Variants in SYNE2 observed in about 807,000 individuals in gnomAD.
SYNE2 encodes spectrin repeat containing nuclear envelope protein 2.
Under a neutral mutation model 856.3 loss-of-function variants are expected in SYNE2, and 431 were observed. The observed-to-expected ratio is 0.50, with a 90% CI of 0.47 to 0.55. The LOEUF is 0.55. SYNE2 is among the 20% of genes least tolerant of loss of function. SYNE2 has a pLI of 0.00. For synonymous variants in SYNE2, 2,923 were observed against 2,872.3 expected (o/e 1.02, Z -0.56); for missense variants, 8,129 against 8,023.2 (o/e 1.01, Z -0.50).
intron 43 of SYNE2, among the ~76,000 whole-genome samples, chr14:64,028,308 T>C (rs2096998461): frequency 6.6e-6 from 1 of 152,042 alleles, no homozygotes; most frequent in Non-Finnish European, 1.5e-5. Flanking sequence ...CAAGCTAGAG[T>C]GCAGTGTTGC....
intron 57 of SYNE2, among the ~76,000 whole-genome samples, chr14:64,082,612 A>C (rs1174917321): frequency 6.6e-6 from 1 of 152,140 alleles, no homozygotes; most frequent in Non-Finnish European, 1.5e-5. Flanking sequence ...AACCTGAATG[A>C]TCTTCAAAGA....
At chr14:64,119,321 A>G (rs1264331853) in intron 66 of SYNE2, 106 bp from the exon 67 acceptor site, 10 of 1,411,082 alleles carry the variant, frequency 7.1e-6, no homozygotes, top group Non-Finnish European at 9.8e-6. Flanking sequence ...TGTTTCTGGG[A>G]CTTCTTGTAT....
intron 63 of SYNE2, 112 bp from the exon 64 acceptor site, chr14:64,101,820 G>A: frequency 1.3e-6 from 1 of 769,064 alleles, no homozygotes; most frequent in Middle Eastern, 2.2e-4. Context: ...AAGGGCTGTG[G>A]TTACACTGCC....
intron 1 of SYNE2, among the ~76,000 whole-genome samples, chr14:63,773,726 A>G (rs767862418): frequency 1.2e-4 from 18 of 152,090 alleles, no homozygotes; most frequent in Non-Finnish European, 2.4e-4. Context: ...CATGCCCAGC[A>G]AAAAGAAGCT....
rs539464788 is a variant in SYNE2, at chr14:63,962,245, T to G, written c.888+620T>G. 3.3e-4 allele frequency among the ~76,000 whole-genome samples: 50 copies of G among 151,968 alleles called. 1 individual carries two copies. The East Asian group carries it at 8.4e-3, about 25-fold the overall frequency. On this transcript the variant is annotated intron_variant, in intron 9 of 115. Coordinates refer to ENST00000555002, the MANE Select transcript of SYNE2 (RefSeq NM_182914.3). The stretch of plus-strand genomic sequence containing the variant: ...TGATTTTTGTATATTTGGTAGAGAC[T>G]GGGTTTCACCATGTTGGCCAGGCTG...
At chr14:63,856,806 C>G (rs1301342752) in intron 1 of SYNE2, among the ~76,000 whole-genome samples, 1 of 152,122 alleles carries the variant, frequency 6.6e-6, no homozygotes, top group East Asian at 1.9e-4. Flanking sequence ...AGGTCTCGTT[C>G]TATCACCCAG....
chr14:63,997,304 G>T lies in SYNE2; in HGVS notation c.3156G>T (p.Gly1052=). ...TGCAATTTTGATTCCTTTCTAGGGG[G>T]ACCATCACCACATCTGAGAATAGAG... ...PTAGGTSKNE[G]TITTSENRGG... is the part of the protein sequence containing the mutation. The change falls in exon 25 of 116, where the codon GGG becomes GGT. Residue 1052 remains glycine (G), a synonymous_variant. Coordinates refer to ENST00000555002, the MANE Select transcript of SYNE2 (RefSeq NM_182914.3). 6.2e-7 allele frequency: 1 copy of T among 1,612,990 alleles called. No individual in the cohort carries two copies. Among genetic ancestry groups the T allele is most frequent in the South Asian group, 1.1e-5 (1 of 90,762 alleles).
chr14:64,188,554 C>T lies in SYNE2; in HGVS notation c.17717C>T (p.Ala5906Val). 1.2e-6 allele frequency: 2 copies of T among 1,614,130 alleles called. No individual in the cohort carries two copies. The highest frequency in any genetic ancestry group is 1.7e-6 in the Non-Finnish European group (2 of 1,180,024). The part of the protein sequence containing the change: ...RQWEDLCLRV[A>V]IRKQEIEDRL... ...CAAATGTATTTTCATTTGCAGGTGG[C>T]CATACGTAAACAGGAGATTGAAGAC... The change falls in exon 98 of 116, where the codon GCC becomes GTC. Residue 5906 changes from alanine to valine, a missense_variant. This residue lies in a region of SYNE2 where 5,410 missense variants were observed against 5,284.8 expected (regional missense o/e 1.02). Transcript: ENST00000555002.
At chr14:64,025,077 C>T (rs1187365981) in intron 40 of SYNE2, 46 bp downstream of exon 40, 2 of 1,613,950 alleles carry the variant, frequency 1.2e-6, no homozygotes, top group Non-Finnish European at 1.7e-6. Flanking sequence ...ATTATGGTTT[C>T]TTCCATGGTG....
At chr14:63,873,452 A>G (rs8015158) in intron 1 of SYNE2, 98,005 of 151,924 alleles carry the variant, frequency 0.65, 31,902 homozygotes, top group South Asian at 0.77. Flanking sequence ...CTGGAGTATA[A>G]TGGCACGATC....
chr14:63,936,800 A>G (rs2095839054), intron 2 of SYNE2, among the ~76,000 whole-genome samples: 3 of 152,166 alleles, frequency 2.0e-5, no homozygotes, highest in Non-Finnish European at 2.9e-5. Context: ...GCAAAGCTGG[A>G]GGGAAGATCT....
upstream of SYNE2, among the ~76,000 whole-genome samples, chr14:63,761,773 G>C (rs1178498560): frequency 6.6e-6 from 1 of 152,184 alleles, no homozygotes; most frequent in South Asian, 2.1e-4. Flanking sequence ...CAAATGCCAA[G>C]GTGTTGTATT....
chr14:64,006,467 T>C (rs1166715084), intron 30 of SYNE2, among the ~76,000 whole-genome samples: 1 of 152,176 alleles, frequency 6.6e-6, no homozygotes, highest in Non-Finnish European at 1.5e-5. Flanking sequence ...AGTGTGTTCA[T>C]CATAGACATA....
intron 90 of SYNE2, 59 bp downstream of exon 90, chr14:64,165,469 A>G: frequency 3.2e-6 from 5 of 1,576,798 alleles, no homozygotes; most frequent in Non-Finnish European, 2.6e-6. Flanking sequence ...TAAAAAAAAT[A>G]AGCTGATTAC....
chr14:64,079,559 A>G (rs560761705), intron 55 of SYNE2, among the ~76,000 whole-genome samples: 5 of 152,318 alleles, frequency 3.3e-5, no homozygotes, highest in African/African-American at 1.2e-4. Flanking sequence ...TAAGAATTGA[A>G]TATTTTACCT....
At chr14:63,824,275 G>A (rs1423964565) in intron 1 of SYNE2, among the ~76,000 whole-genome samples, 4 of 152,050 alleles carry the variant, frequency 2.6e-5, no homozygotes, top group Non-Finnish European at 5.9e-5. Context: ...GAGCTCCAGG[G>A]CTCAAGGCTA....
chr14:64,207,079 C>A (rs1392542673), intron 100 of SYNE2, among the ~76,000 whole-genome samples: 2 of 152,118 alleles, frequency 1.3e-5, no homozygotes, highest in African/African-American at 4.8e-5. Context: ...AAGAAATCAC[C>A]CTGCACATTC....
At chr14:63,860,709 G>A (rs981411808) in intron 1 of SYNE2, among the ~76,000 whole-genome samples, 3 of 152,206 alleles carry the variant, frequency 2.0e-5, no homozygotes, top group Non-Finnish European at 4.4e-5. Context: ...ATCGGGCTGT[G>A]TAAATGTACC....
chr14:64,082,017 C>T (rs2097527816), intron 57 of SYNE2, among the ~76,000 whole-genome samples: 1 of 151,426 alleles, frequency 6.6e-6, no homozygotes, highest in South Asian at 2.1e-4. Flanking sequence ...ACCCAGGAGG[C>T]GGAGCTTGCA....
Sources: gnomAD v4.1 joint callset for allele counts (sites outside exome capture counted in the v4.1 genomes callset) on GRCh38, gnomAD v4.1.1 for gene constraint, gnomAD v4.1.1 regional missense constraint, MANE v1.5 for transcripts, NCBI Gene and HGNC (gene_info 2026-07-23, HGNC 2026-07-21) for gene names.